The following DOCK4 variants were observed in gnomAD, a reference collection of about 807,000 sequenced individuals.
The protein encoded by DOCK4 is dedicator of cytokinesis protein 4.
A neutral mutation model predicts 268.1 loss-of-function variants in DOCK4; 97 were observed. The observed-to-expected ratio is 0.36, with a 90% confidence interval of 0.31 to 0.43. The LOEUF is 0.43. Among genes scored for constraint, DOCK4 ranks in the 20% least tolerant of loss-of-function variants. DOCK4 has a pLI of 1.00. For missense variants in DOCK4, 2,145 were observed against 2,455.7 expected (o/e 0.87, Z 2.67); for synonymous variants, 954 against 887.2 (o/e 1.08, Z -1.34).
chr7:112,120,925 T>C (rs1365210315), intron 1 of DOCK4, among the ~76,000 whole-genome samples: 1 of 152,194 alleles, frequency 6.6e-6, no homozygotes, highest in African/African-American at 2.4e-5. Context: ...GTCATTTGAC[T>C]GTAGGGGGAT....
intron 1 of DOCK4, among the ~76,000 whole-genome samples, chr7:112,118,476 T>C (rs1189855686): frequency 6.6e-6 from 1 of 152,136 alleles, no homozygotes; most frequent in Admixed American, 6.5e-5. Context: ...TACCCAAAGA[T>C]ACTACACCAA....
chr7:112,024,122 T>C (rs192362846), intron 1 of DOCK4, among the ~76,000 whole-genome samples: 2 of 152,198 alleles, frequency 1.3e-5, no homozygotes, highest in Admixed American at 6.5e-5. Context: ...TTTGAGGAGA[T>C]ACAAGGATGC....
At chr7:111,791,711 G>A (rs1269184297) in intron 30 of DOCK4, among the ~76,000 whole-genome samples, 1 of 152,084 alleles carries the variant, frequency 6.6e-6, no homozygotes, top group Admixed American at 6.5e-5. Flanking sequence ...GCCTCCCAAA[G>A]TGCTAGGATT....
chr7:111,762,757 G>GTTTTTTTTTTTTTTTTTTT (rs1797499588), intron 39 of DOCK4, among the ~76,000 whole-genome samples: 2 of 55,012 alleles, frequency 3.6e-5, no homozygotes, highest in Non-Finnish European at 7.4e-5. Context: ...ATTTTGTTTT[G>GTTTTTTTTTTTTTTTTTTT]TTTTCTTTTT....
intron 8 of DOCK4, among the ~76,000 whole-genome samples, chr7:111,955,883 C>T (rs571461458): frequency 5.9e-5 from 9 of 152,100 alleles, no homozygotes; most frequent in Non-Finnish European, 7.4e-5. Context: ...TCTTGAAGTT[C>T]GTTTCAAGTA....
At chr7:112,132,631 G>A (rs532211833) in intron 1 of DOCK4, among the ~76,000 whole-genome samples, 126 of 152,156 alleles carry the variant, frequency 8.3e-4, no homozygotes, top group African/African-American at 2.8e-3. Context: ...AAAAAGGGGC[G>A]GGGGGAGGTG....
intron 26 of DOCK4, among the ~76,000 whole-genome samples, chr7:111,828,698 A>G (rs967283972): frequency 6.6e-6 from 1 of 152,094 alleles, no homozygotes; most frequent in African/African-American, 2.4e-5. Flanking sequence ...AAAGAGGTGT[A>G]TCAAGATGTT....
chr7:111,804,405 G>A (rs59214407), intron 30 of DOCK4, among the ~76,000 whole-genome samples: 10,529 of 152,154 alleles, frequency 0.069, 1,227 homozygotes, highest in African/African-American at 0.24. Flanking sequence ...GAGACAGAAA[G>A]TAGAATGGTA....
Position 111,782,875 on chromosome 7 carries a change from C to T in DOCK4, c.3574G>A (p.Val1192Ile). Residue 1192 changes from valine (V) to isoleucine (I), a missense_variant, in exon 35 of 53, where the codon GTT becomes ATT. Val to Ile is a conservative substitution (Grantham distance 29). Around this residue, in one of 2 missense-constraint regions of DOCK4, gnomAD observed 1,598 missense variants for 1,986.7 expected, o/e 0.80. Transcript: ENST00000428084. ...AATAGTTTACTAACCAGAAGGCTAA[C>T]TGTGCAGCCAATCTTTTTGCCATCT... is the stretch of plus-strand genomic sequence containing the variant. ...EVDGKKIGCT[V>I]SLLNFYKTEL... 1 of 1,613,692 alleles carries T rather than the reference C, an allele frequency of 6.2e-7. No individual in the cohort carries two copies. The highest frequency in any genetic ancestry group is 8.5e-7 in the Non-Finnish European group (1 of 1,179,746).
chr7:111,770,860 G>A (rs1798084750), intron 36 of DOCK4, among the ~76,000 whole-genome samples: 1 of 152,294 alleles, frequency 6.6e-6, no homozygotes, highest in East Asian at 1.9e-4. Flanking sequence ...AATATGCTGA[G>A]TTATAATGCT....
intron 8 of DOCK4, among the ~76,000 whole-genome samples, chr7:111,955,070 T>C (rs1186369319): frequency 6.6e-6 from 1 of 152,232 alleles, no homozygotes; most frequent in African/African-American, 2.4e-5. Context: ...TAGTCATGTA[T>C]ACCAGAAAAC....
chr7:112,030,861 G>A (rs1803214027), intron 1 of DOCK4, among the ~76,000 whole-genome samples: 1 of 152,128 alleles, frequency 6.6e-6, no homozygotes, highest in South Asian at 2.1e-4. Flanking sequence ...TGAATTTTGG[G>A]CGATTGTCAT....
intron 16 of DOCK4, among the ~76,000 whole-genome samples, chr7:111,878,262 C>T (rs1160685358): frequency 6.6e-6 from 1 of 152,176 alleles, no homozygotes; most frequent in Non-Finnish European, 1.5e-5. Context: ...AACAAACCTG[C>T]TGATGTGTCC....
At chr7:112,155,411 C>T (rs915145413) in intron 1 of DOCK4, among the ~76,000 whole-genome samples, 1 of 152,130 alleles carries the variant, frequency 6.6e-6, no homozygotes, top group Admixed American at 6.5e-5. Flanking sequence ...CCTTCCCCAA[C>T]TGAATTAAGA....
At chr7:112,075,343 G>C (rs1008277618) in intron 1 of DOCK4, among the ~76,000 whole-genome samples, 1 of 152,170 alleles carries the variant, frequency 6.6e-6, no homozygotes, top group Non-Finnish European at 1.5e-5. Context: ...TTTTCTGCAG[G>C]CAACAGAGAG....
chr7:111,941,742 G>C (rs528237462), intron 10 of DOCK4, among the ~76,000 whole-genome samples: 101 of 151,650 alleles, frequency 6.7e-4, no homozygotes, highest in Middle Eastern at 3.4e-3. Context: ...ATCCTTTTTT[G>C]TTTGTTTGTT....
rs373303502 is a variant in DOCK4 at position 111,844,785 on chromosome 7, C to T, written c.2714G>A (p.Arg905Gln). Residue 905 changes from arginine to glutamine, a missense_variant, in exon 25 of 53, where the codon CGG (arginine) becomes CAG (glutamine). This residue lies in a region of DOCK4 where 1,598 missense variants were observed against 1,986.7 expected (regional missense o/e 0.80). Coordinates refer to ENST00000428084, the MANE Select transcript of DOCK4 (RefSeq NM_001363540.2). ...TACAGTGACATCCTGGAACTGGAAC[C>T]GCATTGCTGAGCTGGATGGCTGAGG... ...SRPQPSSSAM[R>Q]FQFQDVTGEF... The T allele has an allele frequency of 1.5e-5, 25 of 1,613,312 alleles. No homozygotes were observed. Among genetic ancestry groups the T allele is most frequent in the African/African-American group, 9.4e-5 (7 of 74,862 alleles).
At chr7:111,943,877 C>T (rs191807947) in intron 10 of DOCK4, among the ~76,000 whole-genome samples, 9 of 152,256 alleles carry the variant, frequency 5.9e-5, no homozygotes, top group Non-Finnish European at 4.4e-5. Context: ...ATGCAGTTAT[C>T]GTGTACATAA....
intron 8 of DOCK4, among the ~76,000 whole-genome samples, chr7:111,961,590 A>G (rs770092969): frequency 5.9e-5 from 9 of 152,230 alleles, no homozygotes; most frequent in Non-Finnish European, 1.2e-4. Flanking sequence ...ATTTAAGCAT[A>G]CAAGGTATTT....
Sources: gnomAD v4.1 joint callset for allele counts (sites outside exome capture counted in the v4.1 genomes callset) on GRCh38, gnomAD v4.1.1 for gene constraint, gnomAD v4.1.1 regional missense constraint, MANE v1.5 for transcripts, NCBI Gene and HGNC (gene_info 2026-07-23, HGNC 2026-07-21) for gene names.